PTPRT: variants seen among roughly 807,000 people sequenced by gnomAD.
PTPRT encodes protein tyrosine phosphatase receptor type T, also known as receptor-type tyrosine-protein phosphatase T.
Under a neutral mutation model 176.8 loss-of-function variants are expected in PTPRT, and 56 were observed. The ratio of observed to expected loss-of-function variants is 0.32; its 90% CI spans 0.26 to 0.40. The LOEUF is 0.40. Ranked by LOEUF, PTPRT falls within the 10% of genes least tolerant of loss-of-function variation. The pLI, the probability that PTPRT is intolerant of heterozygous loss-of-function variation, is 1.00. For synonymous variants in PTPRT, 783 were observed against 739.0 expected (o/e 1.06, Z -0.96); for missense variants, 1,540 against 1,908.2 (o/e 0.81, Z 3.60).
At chr20:42,163,072 CTG>C (rs535670317) in intron 16 of PTPRT, among the ~76,000 whole-genome samples, 52 of 152,330 alleles carry the variant, frequency 3.4e-4, no homozygotes, top group Non-Finnish European at 6.5e-4. Context: ...TCACTTATAT[CTG>C]TGGTTGGAGT....
chr20:42,385,420 C>T (rs915970559), intron 9 of PTPRT, among the ~76,000 whole-genome samples: 1 of 152,100 alleles, frequency 6.6e-6, no homozygotes, highest in African/African-American at 2.4e-5. Flanking sequence ...ATCATAGGCA[C>T]AGGGATAGAA....
chr20:42,513,830 A>G (rs1398368908), intron 7 of PTPRT, among the ~76,000 whole-genome samples: 1 of 152,178 alleles, frequency 6.6e-6, no homozygotes, highest in Non-Finnish European at 1.5e-5. Context: ...ATAAGCAGTG[A>G]TAAACCTCCA....
intron 16 of PTPRT, among the ~76,000 whole-genome samples, chr20:42,177,912 TTCTC>T (rs2146573093): frequency 6.6e-6 from 1 of 150,426 alleles, no homozygotes. Context: ...CTCTCTCTCT[TTCTC>T]TCTCCTTCCT....
chr20:43,087,835 AGCACAGG>A (rs1461933767), intron 1 of PTPRT, among the ~76,000 whole-genome samples: 2 of 152,168 alleles, frequency 1.3e-5, no homozygotes, highest in African/African-American at 2.4e-5. Context: ...CTGTGGCCCA[AGCACAGG>A]GCAGGGTACT....
At chr20:42,527,233 G>T (rs1022517517) in intron 7 of PTPRT, among the ~76,000 whole-genome samples, 1 of 152,048 alleles carries the variant, frequency 6.6e-6, no homozygotes, top group Admixed American at 6.5e-5. Flanking sequence ...AAAGTGCTGG[G>T]ATTACAGGTG....
intron 15 of PTPRT, among the ~76,000 whole-genome samples, chr20:42,210,237 C>T (rs1176231835): frequency 1.3e-5 from 2 of 152,136 alleles, no homozygotes; most frequent in Non-Finnish European, 2.9e-5. Context: ...AAAACTGGCA[C>T]AAGACAGGGA....
intron 13 of PTPRT, among the ~76,000 whole-genome samples, chr20:42,265,955 G>T (rs1324901664): frequency 6.6e-6 from 1 of 152,124 alleles, no homozygotes; most frequent in Non-Finnish European, 1.5e-5. Flanking sequence ...CTGTGCCAAG[G>T]CCGTGATTTA....
At chr20:42,782,815 C>T (rs1345879515) in intron 3 of PTPRT, among the ~76,000 whole-genome samples, 5 of 151,876 alleles carry the variant, frequency 3.3e-5, no homozygotes, top group Non-Finnish European at 7.4e-5. Context: ...CTGAAAAGAA[C>T]AATGAAAAAA....
chr20:42,884,299 G>C (rs2079070105), intron 2 of PTPRT, among the ~76,000 whole-genome samples: 1 of 152,060 alleles, frequency 6.6e-6, no homozygotes, highest in African/African-American at 2.4e-5. Context: ...TACACCTAAG[G>C]CTTGTATCAA....
chr20:42,273,434 C>T (rs747644892), intron 13 of PTPRT, among the ~76,000 whole-genome samples: 3 of 152,108 alleles, frequency 2.0e-5, no homozygotes, highest in Admixed American at 6.6e-5. Flanking sequence ...AGGCTATTCT[C>T]GAACTCCTGT....
chr20:42,616,020 T>C (rs2074069312), intron 7 of PTPRT, among the ~76,000 whole-genome samples: 2 of 129,432 alleles, frequency 1.5e-5, no homozygotes, highest in South Asian at 4.7e-4. Context: ...CCCATGCCTA[T>C]GTCCTGAATG....
intron 9 of PTPRT, among the ~76,000 whole-genome samples, chr20:42,363,896 G>A (rs2058477361): frequency 6.6e-6 from 1 of 152,082 alleles, no homozygotes; most frequent in South Asian, 2.1e-4. Context: ...CATGAAGAGT[G>A]GCCAGTCTTA....
chr20:42,734,167 C>T (rs2076503402), intron 6 of PTPRT, among the ~76,000 whole-genome samples: 1 of 152,150 alleles, frequency 6.6e-6, no homozygotes, highest in Admixed American at 6.5e-5. Flanking sequence ...TTGGCCCCAT[C>T]CCTCTGGGAG....
intron 1 of PTPRT, among the ~76,000 whole-genome samples, chr20:43,039,314 A>T (rs1309248376): frequency 1.3e-5 from 2 of 151,870 alleles, no homozygotes; most frequent in East Asian, 3.8e-4. Flanking sequence ...TTATTCAGTA[A>T]GAGGTATTAG....
chr20:42,933,847 C>G (rs1490805184), intron 1 of PTPRT, among the ~76,000 whole-genome samples: 2 of 152,218 alleles, frequency 1.3e-5, no homozygotes, highest in African/African-American at 2.4e-5. Context: ...GAAGATGTGA[C>G]TGTCATCCTC....
intron 17 of PTPRT, among the ~76,000 whole-genome samples, chr20:42,160,791 A>C (rs1364403110): frequency 1.3e-5 from 2 of 152,224 alleles, no homozygotes; most frequent in African/African-American, 4.8e-5. Context: ...AGGGATGCCC[A>C]GTGCAGGGTG....
intron 2 of PTPRT, among the ~76,000 whole-genome samples, chr20:42,867,037 G>C (rs889552482): frequency 6.6e-6 from 1 of 152,182 alleles, no homozygotes; most frequent in Non-Finnish European, 1.5e-5. Context: ...AGGACTACTT[G>C]TTATTCTCTG....
At chr20:42,433,744 T>C (rs771454324) in intron 9 of PTPRT, among the ~76,000 whole-genome samples, 4 of 152,214 alleles carry the variant, frequency 2.6e-5, no homozygotes, top group Non-Finnish European at 5.9e-5. Flanking sequence ...ATTAGATCCA[T>C]GTCTACTGAA....
chr20:42,667,004 T>C (rs2075328305), intron 7 of PTPRT, among the ~76,000 whole-genome samples: 1 of 152,238 alleles, frequency 6.6e-6, no homozygotes, highest in African/African-American at 2.4e-5. Context: ...TTACTAAGAA[T>C]TCTGATCAGT....
Sources: gnomAD v4.1 joint callset for allele counts (sites outside exome capture counted in the v4.1 genomes callset) on GRCh38, gnomAD v4.1.1 for gene constraint, MANE v1.5 for transcripts, NCBI Gene and HGNC (gene_info 2026-07-23, HGNC 2026-07-21) for gene names.